Variants in ERAP1 observed in about 807,000 individuals in gnomAD.
ERAP1 encodes adipocyte-derived leucine aminopeptidase.
ERAP1 carries 86 observed loss-of-function variants against 103.7 expected under a neutral mutation model. The observed-to-expected ratio is 0.83, with a 90% confidence interval of 0.70 to 0.99. ERAP1 has a LOEUF of 0.99. ERAP1 is among the 50% of genes least tolerant of loss of function. The pLI, the probability that ERAP1 is intolerant of heterozygous loss-of-function variation, is 0.00. For missense variants in ERAP1, 1,009 were observed against 1,128.4 expected (o/e 0.89, Z 1.52); for synonymous variants, 398 against 402.4 (o/e 0.99, Z 0.13).
In ERAP1 at chr5:96,765,315, ATAAAG is replaced by A; in HGVS notation, c.2819-2092_2819-2088del. ...CCAGATGAGAACAAACCAATGGAAG[ATAAAG>A]TAAAGGTAAAAAAAAAAAAAAAAAA... On this transcript the variant is annotated intron_variant, in intron 19 of 19. Coordinates refer to the ERAP1 transcript ENST00000296754. 1.5e-6 allele frequency: 2 copies of A among 1,300,418 alleles called. No individual in the cohort carries two copies. Among genetic ancestry groups the A allele is most frequent in the Non-Finnish European group, 1.1e-6 (1 of 918,960 alleles). 80.6% of individuals were successfully genotyped at this position (1,300,418 alleles called of 1,614,324 possible).
exon 20 of ERAP1, chr5:96,762,991 T>C (rs974707280): frequency 1.1e-4 from 70 of 625,072 alleles, no homozygotes; most frequent in Non-Finnish European, 1.9e-4. Flanking sequence ...ACCTGTGCAA[T>C]ACCAAATTAT....
At chr5:96,888,124 C>G in the ERAP1 span, among the ~76,000 whole-genome samples, 1 of 52,476 alleles carries the variant, frequency 1.9e-5, no homozygotes, top group Admixed American at 2.0e-4. Flanking sequence ...GACTTCATCT[C>G]AAAAGAAAAA....
chr5:96,890,545 C>A, the ERAP1 span, among the ~76,000 whole-genome samples: 2 of 152,184 alleles, frequency 1.3e-5, no homozygotes. Context: ...AGTTTCATAG[C>A]ATATAAAGAT....
At chr5:96,856,865 G>C in the ERAP1 span, among the ~76,000 whole-genome samples, 1 of 152,102 alleles carries the variant, frequency 6.6e-6, no homozygotes, top group Non-Finnish European at 1.5e-5. Context: ...CTGGTTCTCT[G>C]TCTGCTCCCT....
the ERAP1 span, among the ~76,000 whole-genome samples, chr5:96,927,272 C>T: frequency 6.6e-6 from 1 of 152,328 alleles, no homozygotes; most frequent in South Asian, 2.1e-4. Flanking sequence ...TTCCCATCAG[C>T]AGTGTATGTG....
At chr5:96,762,260 T>C (rs1477024629) in exon 20 of ERAP1, 15 of 1,585,394 alleles carry the variant, frequency 9.5e-6, no homozygotes, top group Non-Finnish European at 1.3e-5. Context: ...TAATAAAATT[T>C]TTTTCAATAA....
the ERAP1 span, among the ~76,000 whole-genome samples, chr5:96,927,417 A>G: frequency 1.3e-5 from 2 of 152,088 alleles, no homozygotes; most frequent in Non-Finnish European, 2.9e-5. Context: ...GACACTGAAC[A>G]GCTTTTCATG....
chr5:96,862,962 C>A, the ERAP1 span, among the ~76,000 whole-genome samples: 403 of 152,302 alleles, frequency 2.6e-3, 8 homozygotes, highest in Non-Finnish European at 6.2e-4. Context: ...TACCCTCACC[C>A]GTATCTGGGT....
chr5:96,880,288 T>A, the ERAP1 span: 1 of 1,563,172 alleles, frequency 6.4e-7, no homozygotes, highest in East Asian at 2.3e-5. Flanking sequence ...TAATTTACAT[T>A]CTTTTGTGAT....
chr5:96,808,068 A>C, upstream of ERAP1: 1 of 985,478 alleles, frequency 1.0e-6, no homozygotes, highest in Non-Finnish European at 1.2e-6. Flanking sequence ...GGGCCGAGCG[A>C]GGGAAGCCGC....
At chr5:96,880,361 C>T in the ERAP1 span, 1 of 1,066,976 alleles carries the variant, frequency 9.4e-7, no homozygotes, top group African/African-American at 1.6e-5. Context: ...TATGAGAAAT[C>T]CAGTGAACTA....
At chr5:96,809,621 C>T (rs1779031600), upstream of ERAP1, among the ~76,000 whole-genome samples, 1 of 152,242 alleles carries the variant, frequency 6.6e-6, no homozygotes, top group African/African-American at 2.4e-5. Context: ...GACTCAACTA[C>T]GGTGGGATCC....
the ERAP1 span, among the ~76,000 whole-genome samples, chr5:96,826,929 A>G: frequency 6.6e-6 from 1 of 152,210 alleles, no homozygotes; most frequent in African/African-American, 2.4e-5. Context: ...TGTATTAGAT[A>G]TATTTTTAGT....
chr5:96,846,034 G>A, the ERAP1 span, among the ~76,000 whole-genome samples: 1 of 152,016 alleles, frequency 6.6e-6, no homozygotes, highest in Non-Finnish European at 1.5e-5. Flanking sequence ...GTAATAGAAG[G>A]GTCACCCACA....
At chr5:96,857,722 G>A in the ERAP1 span, among the ~76,000 whole-genome samples, 1 of 152,174 alleles carries the variant, frequency 6.6e-6, no homozygotes, top group African/African-American at 2.4e-5. Context: ...TCTTGCTTTT[G>A]AGTTAGGGAT....
At chr5:96,886,536 G>A in the ERAP1 span, 5 of 739,032 alleles carry the variant, frequency 6.8e-6, no homozygotes, top group Non-Finnish European at 9.7e-6. Context: ...CCCCCTAGGA[G>A]GTCATCGATT....
At position 96,780,867 on chromosome 5, in the gene ERAP1, C is replaced by A. The variant is rs1489362371; in HGVS notation, c.2588+191G>T. On this transcript the variant is annotated intron_variant, in intron 17 of 18. Coordinates refer to ENST00000443439, the MANE Select transcript of ERAP1 (RefSeq NM_001040458.3). ...TATGCCAGATGGAATGGAAAACATC[C>A]CTGTCCAGATTCACTAGTTAGCACT... Among the ~76,000 whole-genome samples the A allele has an allele frequency of 3.3e-5, 5 of 152,198 alleles. No individual in the cohort carries two copies. In the East Asian group the frequency reaches 9.6e-4, roughly 29 times the overall value.
At chr5:96,893,132 C>T in the ERAP1 span, among the ~76,000 whole-genome samples, 1 of 152,128 alleles carries the variant, frequency 6.6e-6, no homozygotes, top group African/African-American at 2.4e-5. Context: ...AATAACTTAT[C>T]TAAGGGCCAT....
chr5:96,809,215 A>G (rs879453955), upstream of ERAP1, among the ~76,000 whole-genome samples: 1 of 152,192 alleles, frequency 6.6e-6, no homozygotes, highest in Non-Finnish European at 1.5e-5. Flanking sequence ...TTTATCAGCA[A>G]GGTCTTTATG....
Sources: allele counts gnomAD v4.1 joint callset (sites outside exome capture counted in the v4.1 genomes callset), GRCh38; gene constraint gnomAD v4.1.1; transcripts MANE v1.5; gene names NCBI Gene and HGNC (gene_info 2026-07-23, HGNC 2026-07-21).